The following ADAMTS3 variants were observed in gnomAD, a reference collection of about 807,000 sequenced individuals.
ADAMTS3 encodes the protein A disintegrin and metalloproteinase with thrombospondin motifs 3.
In ADAMTS3, 73 loss-of-function variants were observed where a neutral mutation model predicts 129.0. That is an observed-to-expected ratio of 0.57 (90% confidence interval 0.47 to 0.69). The LOEUF is 0.69. ADAMTS3 is among the 30% of genes least tolerant of loss of function. ADAMTS3 has a pLI of 0.00. For missense variants in ADAMTS3, 1,457 were observed against 1,514.5 expected (o/e 0.96, Z 0.63); for synonymous variants, 477 against 510.8 (o/e 0.93, Z 0.89).
chr4:72,551,328 T>C (rs1354555939), intron 2 of ADAMTS3, among the ~76,000 whole-genome samples: 1 of 152,120 alleles, frequency 6.6e-6, no homozygotes, highest in Non-Finnish European at 1.5e-5. Flanking sequence ...GCCTCATACG[T>C]ACAGTAAGCC....
intron 17 of ADAMTS3, among the ~76,000 whole-genome samples, chr4:72,302,948 C>T (rs1718989416): frequency 6.6e-6 from 1 of 152,124 alleles, no homozygotes; most frequent in African/African-American, 2.4e-5. Flanking sequence ...CTCAAAAGCC[C>T]TCTGATGCCA....
At chr4:72,434,014 G>A (rs1443785312) in intron 3 of ADAMTS3, among the ~76,000 whole-genome samples, 2 of 151,680 alleles carry the variant, frequency 1.3e-5, no homozygotes, top group Non-Finnish European at 2.9e-5. Flanking sequence ...CTGACCAATA[G>A]CTGGTCAGAT....
At chr4:72,297,695 G>T (rs1378189173) in intron 18 of ADAMTS3, among the ~76,000 whole-genome samples, 1 of 152,074 alleles carries the variant, frequency 6.6e-6, no homozygotes, top group East Asian at 1.9e-4. Flanking sequence ...GGTTATCTGG[G>T]TTTGAATCCT....
chr4:72,478,754 T>C (rs1719322611), intron 3 of ADAMTS3, among the ~76,000 whole-genome samples: 1 of 152,068 alleles, frequency 6.6e-6, no homozygotes, highest in South Asian at 2.1e-4. Flanking sequence ...AGTCAAATTG[T>C]CCCTGTTTGC....
chr4:72,388,929 G>T (rs980531), intron 4 of ADAMTS3, among the ~76,000 whole-genome samples: 149,078 of 152,318 alleles, frequency 0.98, 73,021 homozygotes, highest in Non-Finnish European at 1. Context: ...GCAATGAGTT[G>T]GATAAAACAT....
At chr4:72,487,725 T>C (rs961861135) in intron 3 of ADAMTS3, among the ~76,000 whole-genome samples, 9 of 152,074 alleles carry the variant, frequency 5.9e-5, no homozygotes, top group African/African-American at 2.2e-4. Flanking sequence ...TCAGGTTCTA[T>C]ATGCTGACAA....
At chr4:72,335,803 T>C (rs1349741750) in intron 5 of ADAMTS3, among the ~76,000 whole-genome samples, 1 of 152,202 alleles carries the variant, frequency 6.6e-6, no homozygotes, top group East Asian at 1.9e-4. Flanking sequence ...CATTATATCA[T>C]TGCATTTGGC....
At chr4:72,445,520 A>G (rs1384492639) in intron 3 of ADAMTS3, among the ~76,000 whole-genome samples, 1 of 151,728 alleles carries the variant, frequency 6.6e-6, no homozygotes, top group Non-Finnish European at 1.5e-5. Flanking sequence ...GTAAAATAGA[A>G]GGAACTTTTA....
At chr4:72,553,272 T>C (rs1035702450) in intron 2 of ADAMTS3, among the ~76,000 whole-genome samples, 9 of 152,122 alleles carry the variant, frequency 5.9e-5, no homozygotes, top group Non-Finnish European at 1.2e-4. Context: ...TATCCAGGTC[T>C]TACCTTTTAA....
In ADAMTS3 at chr4:72,298,417, C is replaced by G; in HGVS notation, c.2450G>C (p.Arg817Pro). The stretch of plus-strand genomic sequence containing the variant: ...GATGTACTTATATGTCAGGCTAGAG[C>G]GGGTATCATTTTCTTGAGGTATAAT... ...VLIIPQENDT[R>P]SSLTYKYIIH... is the part of the protein sequence containing the mutation. Residue 817 changes from arginine (R) to proline (P), a missense_variant, in exon 18 of 22, where the codon CGC becomes CCC. By Grantham distance (103) the Arg-to-Pro change is moderately radical. Coordinates refer to ENST00000286657, the MANE Select transcript of ADAMTS3 (RefSeq NM_014243.3). 1 of 1,606,104 alleles carries G rather than the reference C, an allele frequency of 6.2e-7. No homozygotes were observed. The highest frequency in any genetic ancestry group is 8.5e-7 in the Non-Finnish European group (1 of 1,174,994).
intron 15 of ADAMTS3, 58 bp downstream of exon 15, chr4:72,309,339 C>G (rs1719167703): frequency 1.0e-5 from 16 of 1,559,576 alleles, no homozygotes; most frequent in African/African-American, 2.7e-5. Flanking sequence ...AAGGAAGAAG[C>G]CTCAAAAAGT....
Position 72,400,326 on chromosome 4 carries a change from A to G in ADAMTS3, c.661+14489T>C, listed in dbSNP as rs554749930. On this transcript the variant is annotated intron_variant, in intron 4 of 21. Transcript: ENST00000286657. Reference sequence around the variant, plus strand: ...GTATATATGCACACATGGTGTGTGTATATATACACACGGTGTGTATATATA... The same window carrying G: ...GTATATATGCACACATGGTGTGTGTGTATATACACACGGTGTGTATATATA... 2.6e-3 allele frequency among the ~76,000 whole-genome samples: 377 copies of G among 142,846 alleles called. 14 individuals carry two copies. The highest frequency in any genetic ancestry group is 9.1e-3 in the African/African-American group (318 of 35,034). The allele number at this position is 142,846 out of a possible 152,430, so 93.7% of individuals were successfully genotyped here. A position where few individuals can be genotyped will look rare whatever the true frequency, so the allele number is the denominator to read the frequency against.
chr4:72,470,380 C>T (rs371074478), intron 3 of ADAMTS3, among the ~76,000 whole-genome samples: 6,866 of 68,026 alleles, frequency 0.1, 189 homozygotes, highest in South Asian at 0.18. Flanking sequence ...TATATATACA[C>T]ACACACACAC....
chr4:72,516,504 T>A (rs1720484826), intron 3 of ADAMTS3, among the ~76,000 whole-genome samples: 1 of 152,200 alleles, frequency 6.6e-6, no homozygotes, highest in Non-Finnish European at 1.5e-5. Context: ...TATCCTTTTT[T>A]ATTTCATTGA....
chr4:72,507,019 C>G lies in ADAMTS3; in HGVS notation c.504+41459G>C, dbSNP rs184901516. ...GGGGAGAAAAGAAGACTGTAGTGTA[C>G]CACTCCATATATCAACAAGAATAGT... On this transcript the variant is annotated intron_variant, in intron 3 of 21. Coordinates refer to ENST00000286657, the MANE Select transcript of ADAMTS3 (RefSeq NM_014243.3). Among the ~76,000 whole-genome samples, 21 of 152,252 alleles carry G rather than the reference C, an allele frequency of 1.4e-4. No individual in the cohort carries two copies. In the East Asian group the frequency reaches 2.1e-3, roughly 15 times the overall value.
chr4:72,552,252 G>T (rs758585539), intron 2 of ADAMTS3, among the ~76,000 whole-genome samples: 3 of 152,082 alleles, frequency 2.0e-5, no homozygotes, highest in Admixed American at 2.0e-4. Context: ...TTTCTCTTAG[G>T]CTCAGTTTCC....
intron 19 of ADAMTS3, among the ~76,000 whole-genome samples, chr4:72,293,328 G>A (rs528076399): frequency 6.6e-6 from 1 of 152,182 alleles, no homozygotes; most frequent in South Asian, 2.1e-4. Flanking sequence ...CATACAGGGT[G>A]ATTTGCCCTC....
chr4:72,369,619 G>A (rs1720953618), intron 4 of ADAMTS3, among the ~76,000 whole-genome samples: 3 of 151,936 alleles, frequency 2.0e-5, no homozygotes, highest in Non-Finnish European at 4.4e-5. Flanking sequence ...GCTGAGGCAC[G>A]AGAATTGTTC....
At chr4:72,439,589 G>GA (rs897636969) in intron 3 of ADAMTS3, among the ~76,000 whole-genome samples, 10 of 151,336 alleles carry the variant, frequency 6.6e-5, no homozygotes, top group Middle Eastern at 3.2e-3. Context: ...AAACATGAAT[G>GA]AAAAAAATCA....
Sources: gnomAD v4.1 joint callset for allele counts (sites outside exome capture counted in the v4.1 genomes callset) on GRCh38, gnomAD v4.1.1 for gene constraint, MANE v1.5 for transcripts, NCBI Gene and HGNC (gene_info 2026-07-23, HGNC 2026-07-21) for gene names.